Variants in TICAM2 observed in about 807,000 individuals in gnomAD.
TICAM2 encodes the protein TIR domain containing adaptor molecule 2.
Under a neutral mutation model 7.3 loss-of-function variants are expected in TICAM2, and 8 were observed. The ratio of observed to expected loss-of-function variants is 1.10; its 90% CI spans 0.65 to 1.99. The LOEUF (loss-of-function observed/expected upper bound fraction) is 1.99, where lower values mean the gene tolerates loss of function less well. Among genes scored for constraint, TICAM2 ranks in the 30% most tolerant of loss-of-function variants. The pLI is 0.00. For synonymous variants in TICAM2, 113 were observed against 99.6 expected, an observed-to-expected ratio of 1.13 and a Z score of -0.80; for missense variants, 304 against 278.8, an observed-to-expected ratio of 1.09 and a Z score of -0.65.
chr5:115,583,349 T>C (rs957273951), intron 1 of TICAM2, among the ~76,000 whole-genome samples: 13 of 152,170 alleles, frequency 8.5e-5, no homozygotes, highest in Non-Finnish European at 1.5e-5. Flanking sequence ...ATAAAGAATA[T>C]GAAAAACTTC....
intron 1 of TICAM2, among the ~76,000 whole-genome samples, chr5:115,595,682 T>A (rs1327688793): frequency 6.6e-6 from 1 of 152,194 alleles, no homozygotes; most frequent in African/African-American, 2.4e-5. Context: ...CCCTTTATGA[T>A]CCAATCTCTC....
At chr5:115,584,940 T>C (rs576057863) in intron 1 of TICAM2, among the ~76,000 whole-genome samples, 34 of 152,288 alleles carry the variant, frequency 2.2e-4, no homozygotes, top group African/African-American at 7.9e-4. Context: ...TATGCTATGG[T>C]GAATATGTAA....
intron 1 of TICAM2, among the ~76,000 whole-genome samples, chr5:115,597,529 G>C (rs190777366): frequency 6.6e-6 from 1 of 152,082 alleles, no homozygotes; most frequent in East Asian, 1.9e-4. Flanking sequence ...CAATTTTAAT[G>C]ACATGAGAAA....
intron 1 of TICAM2, among the ~76,000 whole-genome samples, chr5:115,592,294 AG>A (rs1419533550): frequency 7.9e-5 from 12 of 152,238 alleles, no homozygotes. Context: ...ACACATTCCA[AG>A]AAATAGACAA....
intron 1 of TICAM2, among the ~76,000 whole-genome samples, chr5:115,591,109 A>T (rs764456424): frequency 6.6e-6 from 1 of 152,234 alleles, no homozygotes; most frequent in Non-Finnish European, 1.5e-5. Flanking sequence ...AACTAATGAC[A>T]TAGTGAAGAA....
intron 1 of TICAM2, among the ~76,000 whole-genome samples, chr5:115,594,826 A>C (rs1228888973): frequency 6.6e-6 from 1 of 152,200 alleles, no homozygotes; most frequent in Non-Finnish European, 1.5e-5. Context: ...GCCTGGGAGG[A>C]GGACTGACTT....
chr5:115,600,570 G>A (rs894287636), intron 1 of TICAM2, among the ~76,000 whole-genome samples: 3 of 152,144 alleles, frequency 2.0e-5, no homozygotes, highest in African/African-American at 2.4e-5. Flanking sequence ...AAGTGAAGAA[G>A]AAAGAATATT....
intron 1 of TICAM2, among the ~76,000 whole-genome samples, chr5:115,586,620 A>C (rs1755116726): frequency 6.6e-6 from 1 of 152,222 alleles, no homozygotes; most frequent in African/African-American, 2.4e-5. Flanking sequence ...CGATGAATGT[A>C]GCAATATTAA....
Position 115,580,370 on chromosome 5 carries a change from C to A in TICAM2, c.*179G>T. ...GACAATGTCAAGTTTACTGAAACAT[C>A]AAAAAGTACCACAATTTTATAGGCT... On this transcript the variant is annotated 3_prime_UTR_variant, in exon 2 of 2. Transcript: ENST00000427199. 1 of 812,320 alleles carries A rather than the reference C, an allele frequency of 1.2e-6. No homozygotes were observed. Among genetic ancestry groups the A allele is most frequent in the Non-Finnish European group, 1.7e-6 (1 of 589,780 alleles). 50.3% of individuals were successfully genotyped at this position (812,320 alleles called of 1,614,324 possible). A position where few individuals can be genotyped will look rare whatever the true frequency, so the allele number is the denominator to read the frequency against.
chr5:115,586,200 C>T (rs1213065994), intron 1 of TICAM2, among the ~76,000 whole-genome samples: 1 of 152,154 alleles, frequency 6.6e-6, no homozygotes, highest in East Asian at 1.9e-4. Flanking sequence ...GGCACTCCAA[C>T]ATTATGAAGG....
In TICAM2 at chr5:115,580,585, CTCTT is replaced by C. The variant is rs755727199; in HGVS notation, c.668_671del (p.Lys223ArgfsTer30). The C allele has an allele frequency of 6.7e-5, 107 of 1,599,496 alleles. No individual in the cohort carries two copies. In the South Asian group the frequency reaches 8.9e-4, roughly 13 times the overall value. The stretch of plus-strand genomic sequence containing the variant: ...ATTGTCTTTGTACCATATTTCTTGT[CTCTT>C]TCCATATAGTTTGTTGTGTCTTATA... On this transcript the variant is annotated frameshift_variant, in exon 2 of 2. Transcript: ENST00000427199. LOFTEE classifies it low-confidence loss of function (END_TRUNC).
At chr5:115,588,054 A>T in intron 1 of TICAM2, among the ~76,000 whole-genome samples, 1 of 152,296 alleles carries the variant, frequency 6.6e-6, no homozygotes, top group Non-Finnish European at 1.5e-5. Flanking sequence ...CCAAGAAATC[A>T]GCATCCACTG....
intron 1 of TICAM2, among the ~76,000 whole-genome samples, chr5:115,584,188 A>T (rs964948680): frequency 2.0e-5 from 3 of 152,110 alleles, no homozygotes; most frequent in African/African-American, 7.2e-5. Context: ...ATGTCCCAAA[A>T]TTCAAACAAG....
rs1443292867 is a variant in TICAM2 at position 115,594,568 on chromosome 5, C to G, written c.-60+7529G>C. On this transcript the variant is annotated intron_variant, in intron 1 of 1. Transcript: ENST00000427199. Reference sequence around the variant, plus strand: ...TTCAACTTACTAAGTTTTCCTCAGTCTGAATGGCAGCTTGACAAGGTGTTT... The same window carrying G: ...TTCAACTTACTAAGTTTTCCTCAGTGTGAATGGCAGCTTGACAAGGTGTTT... 2.6e-5 allele frequency among the ~76,000 whole-genome samples: 4 copies of G among 152,202 alleles called. No homozygotes were observed. In the East Asian group the frequency reaches 7.7e-4, roughly 29 times the overall value.
intron 1 of TICAM2, among the ~76,000 whole-genome samples, chr5:115,596,327 C>T (rs747787295): frequency 2.6e-5 from 4 of 152,170 alleles, no homozygotes; most frequent in African/African-American, 9.7e-5. Flanking sequence ...ATTTGAGTTA[C>T]TCCCATTTAT....
intron 1 of TICAM2, among the ~76,000 whole-genome samples, chr5:115,598,754 A>C (rs928321990): frequency 1.1e-4 from 16 of 152,206 alleles, no homozygotes; most frequent in Admixed American, 9.2e-4. Context: ...TAATTCTGAA[A>C]TAAGAAGGAA....
chr5:115,582,640 T>A (rs947895614), intron 1 of TICAM2, among the ~76,000 whole-genome samples: 3 of 152,210 alleles, frequency 2.0e-5, no homozygotes, highest in African/African-American at 7.2e-5. Context: ...GGAATTCTTT[T>A]ATTAAAAGAC....
chr5:115,596,797 T>C (rs989051349), intron 1 of TICAM2, among the ~76,000 whole-genome samples: 1 of 152,158 alleles, frequency 6.6e-6, no homozygotes, highest in Non-Finnish European at 1.5e-5. Flanking sequence ...CGGGTGCCTG[T>C]AGTCCCAGCT....
At chr5:115,598,126 G>A (rs1031200533) in intron 1 of TICAM2, among the ~76,000 whole-genome samples, 2 of 151,820 alleles carry the variant, frequency 1.3e-5, no homozygotes, top group African/African-American at 4.8e-5. Flanking sequence ...CATTTTCTAG[G>A]CTTTATATTT....
Sources: gnomAD v4.1 joint callset for allele counts (sites outside exome capture counted in the v4.1 genomes callset) on GRCh38, gnomAD v4.1.1 for gene constraint, MANE v1.5 for transcripts, NCBI Gene and HGNC (gene_info 2026-07-23, HGNC 2026-07-21) for gene names.